EPHA7: variants seen among roughly 807,000 people sequenced by gnomAD.
EPHA7 encodes EPH receptor A7, also known as ephrin type-A receptor 7.
A neutral mutation model predicts 112.6 loss-of-function variants in EPHA7; 25 were observed. The observed-to-expected ratio is 0.22, with a 90% confidence interval of 0.16 to 0.31. The LOEUF (loss-of-function observed/expected upper bound fraction) is 0.31, where lower values mean the gene tolerates loss of function less well. Among genes scored for constraint, EPHA7 ranks in the 10% least tolerant of loss-of-function variants. The pLI is 1.00. For synonymous variants in EPHA7, 437 were observed against 406.5 expected (o/e 1.07, Z -0.90); for missense variants, 962 against 1,212.6 (o/e 0.79, Z 3.07).
At chr6:93,244,468 T>C (rs1237187340) in intron 16 of EPHA7, among the ~76,000 whole-genome samples, 3 of 152,082 alleles carry the variant, frequency 2.0e-5, no homozygotes, top group Non-Finnish European at 4.4e-5. Context: ...AATGGAACCT[T>C]GATTATTGTT....
chr6:93,346,096 T>A (rs1775392797), intron 5 of EPHA7, among the ~76,000 whole-genome samples: 1 of 151,752 alleles, frequency 6.6e-6, no homozygotes, highest in Non-Finnish European at 1.5e-5. Context: ...ATGGTGTATA[T>A]GATTGACAGT....
chr6:93,414,631 T>C, intron 2 of EPHA7, 72 bp downstream of exon 2: 1 of 1,152,612 alleles, frequency 8.7e-7, no homozygotes, highest in South Asian at 1.3e-5. Context: ...TGTGAATAAT[T>C]ACCCTGGAGG....
chr6:93,399,700 G>A (rs952212865), intron 3 of EPHA7, among the ~76,000 whole-genome samples: 3 of 151,958 alleles, frequency 2.0e-5, no homozygotes, highest in African/African-American at 4.8e-5. Flanking sequence ...ACATACATAT[G>A]AGTGTATTTA....
chr6:93,247,136 T>A (rs1769991124), intron 14 of EPHA7, 151 bp from the exon 15 acceptor site: 1 of 672,116 alleles, frequency 1.5e-6, no homozygotes, highest in Non-Finnish European at 2.4e-6. Context: ...TCCATGAATA[T>A]TAAGCATGTT....
At chr6:93,293,615 G>A (rs1437913932) in intron 5 of EPHA7, among the ~76,000 whole-genome samples, 1 of 152,100 alleles carries the variant, frequency 6.6e-6, no homozygotes, top group Non-Finnish European at 1.5e-5. Flanking sequence ...GTTGAGTTGT[G>A]TAACAAGTGA....
chr6:93,399,582 A>G (rs1437104236), intron 3 of EPHA7, among the ~76,000 whole-genome samples: 1 of 152,122 alleles, frequency 6.6e-6, no homozygotes, highest in Non-Finnish European at 1.5e-5. Context: ...ATTAATGCAT[A>G]GAAATTTGGA....
chr6:93,250,311 G>A (rs1272595038), intron 14 of EPHA7, among the ~76,000 whole-genome samples: 1 of 152,060 alleles, frequency 6.6e-6, no homozygotes, highest in African/African-American at 2.4e-5. Context: ...TATTAGCCTA[G>A]CAGTAAAACA....
intron 5 of EPHA7, among the ~76,000 whole-genome samples, chr6:93,339,284 C>T (rs531489779): frequency 6.6e-6 from 1 of 151,492 alleles, no homozygotes; most frequent in South Asian, 2.1e-4. Flanking sequence ...GAATAGTCAA[C>T]GATTTATTAT....
Position 93,272,348 on chromosome 6 carries a change from C to G in EPHA7, c.1399G>C (p.Glu467Gln), listed in dbSNP as rs1332501890. 1 of 1,612,094 alleles carries G rather than the reference C, an allele frequency of 6.2e-7. No individual in the cohort carries two copies. Among genetic ancestry groups the G allele is most frequent in the East Asian group, 2.2e-5 (1 of 44,826 alleles). Reference sequence around the variant, plus strand: ...TCTGTGATGACTCCATTGGGATGCTCTGGTTCCTGCCAGGAAAGCTCGACA... The same window carrying G: ...TCTGTGATGACTCCATTGGGATGCTGTGGTTCCTGCCAGGAAAGCTCGACA... ...RSVELSWQEP[E>Q]HPNGVITEYE... The change falls in exon 6 of 17, where the codon GAG becomes CAG. Residue 467 changes from glutamate (E) to glutamine (Q), a missense_variant. Physicochemically the swap from Glu to Gln is conservative, Grantham distance 29 (BLOSUM62 2). Around this residue, in one of 3 missense-constraint regions of EPHA7, gnomAD observed 746 missense variants for 889.2 expected, o/e 0.84. Coordinates refer to ENST00000369303, the MANE Select transcript of EPHA7 (RefSeq NM_004440.4).
intron 5 of EPHA7, among the ~76,000 whole-genome samples, chr6:93,309,039 C>T (rs186019590): frequency 1.6e-3 from 250 of 152,126 alleles, no homozygotes; most frequent in South Asian, 5.8e-3. Context: ...ACCTCCACCT[C>T]CCGGGTTCAA....
chr6:93,313,047 T>C (rs1450485024), intron 5 of EPHA7, among the ~76,000 whole-genome samples: 1 of 152,002 alleles, frequency 6.6e-6, no homozygotes, highest in African/African-American at 2.4e-5. Context: ...CAGATCACTA[T>C]GAAAATTATA....
At chr6:93,254,061 C>T in intron 14 of EPHA7, among the ~76,000 whole-genome samples, 1 of 151,788 alleles carries the variant, frequency 6.6e-6, no homozygotes, top group Non-Finnish European at 1.5e-5. Context: ...GTCCTCATGG[C>T]AACAGGGTAT....
chr6:93,348,259 A>T (rs1775503973), intron 5 of EPHA7, among the ~76,000 whole-genome samples: 1 of 151,874 alleles, frequency 6.6e-6, no homozygotes, highest in African/African-American at 2.4e-5. Context: ...GAGAAGAGTC[A>T]TGGCACAGTG....
chr6:93,359,207 C>T (rs1776115378), intron 3 of EPHA7, among the ~76,000 whole-genome samples: 1 of 152,166 alleles, frequency 6.6e-6, no homozygotes, highest in Admixed American at 6.5e-5. Context: ...GCGAGCATTT[C>T]TGCCACCTCC....
At chr6:93,306,829 A>T (rs1773282757) in intron 5 of EPHA7, among the ~76,000 whole-genome samples, 1 of 152,012 alleles carries the variant, frequency 6.6e-6, no homozygotes, top group Admixed American at 6.6e-5. Flanking sequence ...ACCTATTGTA[A>T]GAATGCTTAG....
At chr6:93,310,331 T>C (rs1773465751) in intron 5 of EPHA7, among the ~76,000 whole-genome samples, 2 of 152,100 alleles carry the variant, frequency 1.3e-5, no homozygotes, top group African/African-American at 4.8e-5. Context: ...GACATCAATG[T>C]TTTTACACAA....
chr6:93,249,065 C>T (rs912993054), intron 14 of EPHA7, among the ~76,000 whole-genome samples: 1 of 152,008 alleles, frequency 6.6e-6, no homozygotes, highest in Non-Finnish European at 1.5e-5. Context: ...GAGAAAACAC[C>T]TTGGCCTTAA....
intron 5 of EPHA7, among the ~76,000 whole-genome samples, chr6:93,305,895 T>G (rs567760062): frequency 2.7e-4 from 41 of 152,096 alleles, no homozygotes; most frequent in African/African-American, 9.6e-4. Flanking sequence ...GTCACTATTA[T>G]TCTCATTAAG....
At chr6:93,412,936 T>A (rs1395899727) in intron 2 of EPHA7, among the ~76,000 whole-genome samples, 1 of 152,138 alleles carries the variant, frequency 6.6e-6, no homozygotes, top group East Asian at 1.9e-4. Context: ...AATTAATTTT[T>A]ATTTTTATTT....
Sources: allele counts gnomAD v4.1 joint callset (sites outside exome capture counted in the v4.1 genomes callset), GRCh38; gene constraint gnomAD v4.1.1; regional missense constraint gnomAD v4.1.1; transcripts MANE v1.5; gene names NCBI Gene and HGNC (gene_info 2026-07-23, HGNC 2026-07-21).